The following ANKRD45 variants were observed in gnomAD, a reference collection of about 807,000 sequenced individuals.
The protein encoded by ANKRD45 is ankyrin repeat domain 45, also known as ankyrin repeat domain-containing protein 45.
A neutral mutation model predicts 28.1 loss-of-function variants in ANKRD45; 21 were observed. The observed-to-expected ratio is 0.75, with a 90% CI of 0.53 to 1.08. The LOEUF (loss-of-function observed/expected upper bound fraction) is 1.08. Among genes scored for constraint, ANKRD45 ranks in the 50% least tolerant of loss-of-function variants. The probability of loss-of-function intolerance (pLI) is 0.00; values close to 1 mark genes in which losing one functional copy is unlikely to be tolerated. For missense variants in ANKRD45, 261 were observed against 308.7 expected (o/e 0.85, Z 1.16); for synonymous variants, 86 against 103.9 (o/e 0.83, Z 1.05).
chr1:173,710,654 G>T, the ANKRD45 span, among the ~76,000 whole-genome samples: 1 of 152,156 alleles, frequency 6.6e-6, no homozygotes, highest in East Asian at 1.9e-4. Flanking sequence ...CTGCCATTTT[G>T]CCCTTTAATG....
Position 173,623,067 on chromosome 1 carries a change from G to A in ANKRD45, c.730+1720C>T, listed in dbSNP as rs1212386976. 4.0e-5 allele frequency among the ~76,000 whole-genome samples: 6 copies of A among 151,572 alleles called. No individual in the cohort carries two copies. In the East Asian group the frequency reaches 1.2e-3, roughly 29 times the overall value. ...ATGGTGGCTCATGCCTGTAATCTCAGCAATTTGGGAGACTGAGGTGGGCGG... is the reference window on the plus strand; with the variant it reads ...ATGGTGGCTCATGCCTGTAATCTCAACAATTTGGGAGACTGAGGTGGGCGG... On this transcript the variant is annotated intron_variant, in intron 5 of 5. Transcript: ENST00000333279.
rs750768844 is a variant in ANKRD45, at chr1:173,659,194, G to A, written c.225C>T (p.Ile75=). ...QAMQLLLEED[I]VGRNLLYAAC... ...CTGCATACAACAAATTTCTCCCAAC[G>A]ATGTCTTCTTCTAAGAGAAGCTGCA... Residue 75 remains isoleucine (I), a synonymous_variant, in exon 2 of 6, where the codon ATC becomes ATT. Transcript: ENST00000333279. The A allele has an allele frequency of 1.1e-5, 17 of 1,613,958 alleles. No homozygotes were observed. The highest frequency in any genetic ancestry group is 8.8e-5 in the South Asian group (8 of 91,076).
intron 3 of ANKRD45, among the ~76,000 whole-genome samples, chr1:173,643,999 A>G (rs1002714562): frequency 6.6e-6 from 1 of 152,170 alleles, no homozygotes; most frequent in African/African-American, 2.4e-5. Context: ...ATACTTTCAG[A>G]GTTCTGAAAT....
chr1:173,657,965 G>A (rs1669620715), intron 2 of ANKRD45: 1 of 151,956 alleles, frequency 6.6e-6, no homozygotes, highest in South Asian at 2.1e-4. Flanking sequence ...GACATAGAGT[G>A]ATGCTGTTGT....
chr1:173,674,625 A>AGG (rs1310636439), upstream of ANKRD45, among the ~76,000 whole-genome samples: 1 of 152,198 alleles, frequency 6.6e-6, no homozygotes, highest in Non-Finnish European at 1.5e-5. Flanking sequence ...AACTCGAAGC[A>AGG]GGGGGGTTAG....
chr1:173,671,741 G>T (rs1558152916), upstream of ANKRD45, among the ~76,000 whole-genome samples: 1 of 151,818 alleles, frequency 6.6e-6, no homozygotes, highest in Non-Finnish European at 1.5e-5. Flanking sequence ...AATTAGCCAG[G>T]CGTGGTGGTA....
At chr1:173,692,664 C>G in the ANKRD45 span, among the ~76,000 whole-genome samples, 1 of 152,174 alleles carries the variant, frequency 6.6e-6, no homozygotes, top group African/African-American at 2.4e-5. Context: ...AAAACATAAA[C>G]AGTGAGAAGC....
In ANKRD45 at chr1:173,609,521, A is replaced by G. The variant is rs2102302676; in HGVS notation, c.*624T>C. On this transcript the variant is annotated 3_prime_UTR_variant, in exon 6 of 6. Coordinates refer to ENST00000333279, the MANE Select transcript of ANKRD45 (RefSeq NM_198493.3). ...GGAAATGGTCTTCAGTCCAGTTACAATATCTGTATTGCCAGCCTTACAGAA... is the reference window on the plus strand; with the variant it reads ...GGAAATGGTCTTCAGTCCAGTTACAGTATCTGTATTGCCAGCCTTACAGAA... 1 of 152,380 alleles carries G rather than the reference A, an allele frequency of 6.6e-6. No homozygotes were observed. Among genetic ancestry groups the G allele is most frequent in the African/African-American group, 2.4e-5 (1 of 41,580 alleles). 9.4% of individuals were successfully genotyped at this position (152,380 alleles called of 1,614,324 possible). A position where few individuals can be genotyped will look rare whatever the true frequency, so the allele number is the denominator to read the frequency against.
At chr1:173,659,522 G>A (rs563484980) in intron 1 of ANKRD45, 89 bp from the exon 2 acceptor site, 154 of 1,150,190 alleles carry the variant, frequency 1.3e-4, no homozygotes, top group Non-Finnish European at 1.8e-4. Context: ...TGACAATATA[G>A]ATGGTATAAA....
chr1:173,665,967 T>C (rs957236602), intron 1 of ANKRD45, among the ~76,000 whole-genome samples: 1 of 152,058 alleles, frequency 6.6e-6, no homozygotes, highest in African/African-American at 2.4e-5. Flanking sequence ...TGAGCTATGA[T>C]CACGCCACTG....
Position 173,627,096 on chromosome 1 carries a change from T to G in ANKRD45, c.560A>C (p.Lys187Thr), listed in dbSNP as rs1487173529. 6.2e-7 allele frequency: 1 copy of G among 1,612,084 alleles called. No homozygotes were observed. Among genetic ancestry groups the G allele is most frequent in the South Asian group, 1.1e-5 (1 of 90,986 alleles). The stretch of plus-strand genomic sequence containing the variant: ...TTCCTTAAGGAGTTTCCCTGATCCC[T>G]TTTCTGTGTCAGTAACAGCTAAAGA... ...KVSLAVTDTE[K>T]GSGKLLKEDK... The change falls in exon 4 of 6, where the codon AAG becomes ACG. Residue 187 changes from lysine to threonine, a missense_variant. Physicochemically the swap from Lys to Thr is moderately conservative, Grantham distance 78 (BLOSUM62 -1). Coordinates refer to ENST00000333279, the MANE Select transcript of ANKRD45 (RefSeq NM_198493.3).
intron 4 of ANKRD45, among the ~76,000 whole-genome samples, chr1:173,626,657 G>A (rs1309005479): frequency 4.6e-5 from 7 of 150,950 alleles, no homozygotes; most frequent in African/African-American, 1.7e-4. Context: ...TATGATCTGT[G>A]CTTATCCCTT....
At chr1:173,621,268 A>G (rs1423303342) in intron 5 of ANKRD45, among the ~76,000 whole-genome samples, 2 of 152,184 alleles carry the variant, frequency 1.3e-5, no homozygotes, top group Non-Finnish European at 2.9e-5. Flanking sequence ...ACTATTCCAA[A>G]AAATTGAAAA....
At chr1:173,682,771 TTTTAAA>T in the ANKRD45 span, among the ~76,000 whole-genome samples, 4 of 151,674 alleles carry the variant, frequency 2.6e-5, no homozygotes, top group East Asian at 7.7e-4. Context: ...ATTGAGCTCC[TTTTAAA>T]AAAAGTCTTT....
intron 3 of ANKRD45, among the ~76,000 whole-genome samples, chr1:173,642,263 G>C (rs185898857): frequency 2.5e-4 from 38 of 152,202 alleles, no homozygotes; most frequent in Admixed American, 2.1e-3. Context: ...ATTCTCATAG[G>C]CTGTTGTATT....
intron 5 of ANKRD45, among the ~76,000 whole-genome samples, chr1:173,619,159 C>T (rs1667596535): frequency 6.6e-6 from 1 of 152,272 alleles, no homozygotes; most frequent in Admixed American, 6.5e-5. Context: ...GGAAGGAAAA[C>T]CCATTACCAG....
At chr1:173,648,904 T>C (rs1048766201) in intron 2 of ANKRD45, among the ~76,000 whole-genome samples, 1 of 152,186 alleles carries the variant, frequency 6.6e-6, no homozygotes, top group Non-Finnish European at 1.5e-5. Context: ...AAAGGTTATA[T>C]AATTTGCCCA....
upstream of ANKRD45, among the ~76,000 whole-genome samples, chr1:173,674,666 A>AT (rs1188241167): frequency 6.6e-6 from 1 of 152,230 alleles, no homozygotes; most frequent in African/African-American, 2.4e-5. Flanking sequence ...TCACAGATAC[A>AT]TAAGAGACAA....
intron 1 of ANKRD45, among the ~76,000 whole-genome samples, chr1:173,665,145 T>C (rs1278912806): frequency 6.6e-6 from 1 of 152,170 alleles, no homozygotes; most frequent in African/African-American, 2.4e-5. Flanking sequence ...GTAATGCTAC[T>C]TATTTTCTTT....
Sources: gnomAD v4.1 joint callset for allele counts (sites outside exome capture counted in the v4.1 genomes callset) on GRCh38, gnomAD v4.1.1 for gene constraint, MANE v1.5 for transcripts, NCBI Gene and HGNC (gene_info 2026-07-23, HGNC 2026-07-21) for gene names.